The following TNFSF13 variants were observed in gnomAD, a reference collection of about 807,000 sequenced individuals.
TNFSF13 encodes the protein TNF superfamily member 13.
A neutral mutation model predicts 30.7 loss-of-function variants in TNFSF13; 18 were observed. That is an observed-to-expected ratio of 0.59 (90% CI 0.41 to 0.87). The LOEUF (loss-of-function observed/expected upper bound fraction) is 0.87, where lower values mean the gene tolerates loss of function less well. TNFSF13 is among the 40% of genes least tolerant of loss of function. The probability of loss-of-function intolerance (pLI) is 0.00; values close to 1 mark genes in which losing one functional copy is unlikely to be tolerated. For missense variants in TNFSF13, 286 were observed against 308.8 expected (o/e 0.93, Z 0.55); for synonymous variants, 116 against 123.2 (o/e 0.94, Z 0.39).
In TNFSF13 at chr17:7,559,618, G is replaced by A. The variant is rs1475165141; in HGVS notation, c.259-6G>A. 1 of 1,613,180 alleles carries A rather than the reference G, an allele frequency of 6.2e-7. No individual in the cohort carries two copies. Among genetic ancestry groups the A allele is most frequent in the East Asian group, 2.2e-5 (1 of 44,870 alleles). On this transcript the variant is annotated splice_region_variant and splice_polypyrimidine_tract_variant and intron_variant, in intron 1 of 5. Coordinates refer to ENST00000338784, the MANE Select transcript of TNFSF13 (RefSeq NM_003808.4). This position sits in a 1 kb window ranked among gnomAD's most constrained non-coding sequence, Gnocchi z 5.4. ...AACCTAACCTTGACCCTCTTTCCATGAGCAGAGTTCCGATGCCCTGGAAGC... is the reference window on the plus strand; with the variant it reads ...AACCTAACCTTGACCCTCTTTCCATAAGCAGAGTTCCGATGCCCTGGAAGC...
Position 7,559,948 on chromosome 17 carries a change from G to C in TNFSF13, c.385+55G>C. 6.2e-7 allele frequency: 1 copy of C among 1,613,956 alleles called. No individual in the cohort carries two copies. Among genetic ancestry groups the C allele is most frequent in the Non-Finnish European group, 8.5e-7 (1 of 1,180,002 alleles). On this transcript the variant is annotated intron_variant, in intron 3 of 5. Coordinates refer to ENST00000338784, the MANE Select transcript of TNFSF13 (RefSeq NM_003808.4). The surrounding 1 kb of genome is among the most constrained non-coding windows in gnomAD (Gnocchi z 5.4). ...GGAGGGGCAATAACCAGGAACTCGG[G>C]CTGGCACTTGGGCTCAAGGGGTCCT...
At chr17:7,560,020 A>G in intron 3 of TNFSF13, 29 bp from the exon 4 acceptor site, 1 of 1,614,134 alleles carries the variant, frequency 6.2e-7, no homozygotes, top group Non-Finnish European at 8.5e-7. Flanking sequence ...AGTGCCAAGA[A>G]GTCCTGACCG....
intron 5 of TNFSF13, 22 bp downstream of exon 5, chr17:7,560,510 G>A (rs749010031): frequency 2.5e-6 from 4 of 1,613,856 alleles, no homozygotes; most frequent in East Asian, 2.2e-5. Context: ...GTGGGCAGCC[G>A]AAAGCAGGAC....
At position 7,561,122 on chromosome 17, in the gene TNFSF13, G is replaced by C; in HGVS notation, c.*289G>C. ...CAGACCTGGTCGGGGCCCACTGGAAGCATCCAGAACAGCACCACCATCTAG... is the reference window on the plus strand; with the variant it reads ...CAGACCTGGTCGGGGCCCACTGGAACCATCCAGAACAGCACCACCATCTAG... On this transcript the variant is annotated 3_prime_UTR_variant, in exon 6 of 6. Coordinates refer to ENST00000338784, the MANE Select transcript of TNFSF13 (RefSeq NM_003808.4). The surrounding 1 kb of genome is among the most constrained non-coding windows in gnomAD (Gnocchi z 4.4). 1 of 1,534,168 alleles carries C rather than the reference G, an allele frequency of 6.5e-7. No individual in the cohort carries two copies. The highest frequency in any genetic ancestry group is 9.0e-7 in the Non-Finnish European group (1 of 1,117,122).
rs755773619 is a variant in TNFSF13, at chr17:7,559,911, T to G, written c.385+18T>G. 6.2e-7 allele frequency: 1 copy of G among 1,614,008 alleles called. No homozygotes were observed. Among genetic ancestry groups the G allele is most frequent in the East Asian group, 2.2e-5 (1 of 44,874 alleles). On this transcript the variant is annotated intron_variant, in intron 3 of 5. Coordinates refer to ENST00000338784, the MANE Select transcript of TNFSF13 (RefSeq NM_003808.4). The surrounding 1 kb of genome is among the most constrained non-coding windows in gnomAD (Gnocchi z 5.4). ...CTCCAAGGGTGAGCACTATTTTAAA[T>G]AATGGCTTTGGGGAGGGGCAATAAC... is the stretch of plus-strand genomic sequence containing the variant.
chr17:7,560,398 G>T lies in TNFSF13; in HGVS notation c.553G>T (p.Glu185Ter). ...CACCATGGGTCAGGTGGTGTCTCGA[G>T]AAGGCCAAGGAAGGCAGGAGACTCT... ...TFTMGQVVSR[E>*]GQGRQETLFR... The change falls in exon 5 of 6, where the codon GAA (glutamate) becomes TAA (stop). Residue 185 changes from glutamate (E) to a stop codon, truncating the protein, a stop_gained. Transcript: ENST00000338784. LOFTEE classifies it high-confidence loss of function. The T allele has an allele frequency of 1.2e-6, 2 of 1,614,208 alleles. No individual in the cohort carries two copies. Among genetic ancestry groups the T allele is most frequent in the Non-Finnish European group, 1.7e-6 (2 of 1,180,032 alleles).
chr17:7,559,305 A>AG lies in TNFSF13; in HGVS notation c.258+12dup. Reference sequence around the variant, plus strand: ...CAGAGTCTCCCGGAGCAGGTGAGTGAGGGGAGGAGGGTGTCTGGGAGAGGA... The same window carrying AG: ...CAGAGTCTCCCGGAGCAGGTGAGTGAGGGGGAGGAGGGTGTCTGGGAGAGGA... On this transcript the variant is annotated intron_variant, in intron 1 of 5. Coordinates refer to ENST00000338784, the MANE Select transcript of TNFSF13 (RefSeq NM_003808.4). This position sits in a 1 kb window ranked among gnomAD's most constrained non-coding sequence, Gnocchi z 5.4. 1 of 1,589,070 alleles carries AG rather than the reference A, an allele frequency of 6.3e-7. No individual in the cohort carries two copies. The highest frequency in any genetic ancestry group is 8.6e-7 in the Non-Finnish European group (1 of 1,165,622).
rs754702485 is a variant in TNFSF13, at chr17:7,559,786, C to T, written c.338-60C>T. On this transcript the variant is annotated intron_variant, in intron 2 of 5. Transcript: ENST00000338784. The surrounding 1 kb of genome is among the most constrained non-coding windows in gnomAD (Gnocchi z 5.4). ...GCCCGAGTCAGGGTGAGGGTGGAGG[C>T]TGCCAACAGCACAACGGGGGAAAGT... The T allele has an allele frequency of 3.7e-6, 6 of 1,614,064 alleles. No homozygotes were observed. The Admixed American group carries it at 1.0e-4, about 27-fold the overall frequency.
chr17:7,560,800 A>G lies in TNFSF13; in HGVS notation c.720A>G (p.Pro240=). Residue 240 remains proline (P), a synonymous_variant, in exon 6 of 6, where the codon CCA becomes CCG. Transcript: ENST00000338784. The part of the protein sequence containing the change: ...PRARAKLNLS[P]HGTFLGFVKL ...CAAGGGCGAAACTTAACCTCTCTCC[A>G]CATGGAACCTTCCTGGGGTTTGTGA... 6.2e-7 allele frequency: 1 copy of G among 1,614,180 alleles called. No homozygotes were observed. The highest frequency in any genetic ancestry group is 8.5e-7 in the Non-Finnish European group (1 of 1,180,008).
In TNFSF13 at chr17:7,560,832, G is replaced by C; in HGVS notation, c.752G>C (p.Ter251SerextTer55). Residue 251 changes from the stop codon to serine, a stop_lost, in exon 6 of 6, where the codon TGA (stop) becomes TCA (serine). Coordinates refer to ENST00000338784, the MANE Select transcript of TNFSF13 (RefSeq NM_003808.4). ...ACCTTCCTGGGGTTTGTGAAACTGTGATTGTGTTATAAAAAGTGGCTCCCA... is the reference window on the plus strand; with the variant it reads ...ACCTTCCTGGGGTTTGTGAAACTGTCATTGTGTTATAAAAAGTGGCTCCCA... ...HGTFLGFVKL[*>S] The C allele has an allele frequency of 6.2e-7, 1 of 1,613,910 alleles. No homozygotes were observed. Among genetic ancestry groups the C allele is most frequent in the Non-Finnish European group, 8.5e-7 (1 of 1,179,868 alleles).
chr17:7,558,893 C>T lies in TNFSF13; in HGVS notation c.-147C>T. 3 of 1,017,886 alleles carry T rather than the reference C, an allele frequency of 2.9e-6. No homozygotes were observed. The highest frequency in any genetic ancestry group is 4.1e-6 in the Non-Finnish European group (3 of 738,870). The allele number at this position is 1,017,886 out of a possible 1,614,324, so 63.1% of individuals were successfully genotyped here. On this transcript the variant is annotated 5_prime_UTR_variant, in exon 1 of 6. Transcript: ENST00000338784. This position sits in a 1 kb window ranked among gnomAD's most constrained non-coding sequence, Gnocchi z 4.3. ...GTACCCTTAGCTTGCTTTCCTCCTC[C>T]CTCCTTTTTATTTTCAAGTTCCTTT...
In TNFSF13 at chr17:7,558,948, C is replaced by A; in HGVS notation, c.-92C>A. On this transcript the variant is annotated 5_prime_UTR_variant, in exon 1 of 6. Transcript: ENST00000338784. The surrounding 1 kb of genome is among the most constrained non-coding windows in gnomAD (Gnocchi z 4.3). ...TTCTCCTTGCGTAACAACCTTCTTC[C>A]CTTCTGCACCACTGCCCGTACCCTT... is the stretch of plus-strand genomic sequence containing the variant. 1 of 1,329,298 alleles carries A rather than the reference C, an allele frequency of 7.5e-7. No individual in the cohort carries two copies. The highest frequency in any genetic ancestry group is 9.9e-7 in the Non-Finnish European group (1 of 1,012,338). The allele number at this position is 1,329,298 out of a possible 1,614,324, so 82.3% of individuals were successfully genotyped here. A position where few individuals can be genotyped will look rare whatever the true frequency, so the allele number is the denominator to read the frequency against.
chr17:7,558,966 G>C lies in TNFSF13; in HGVS notation c.-74G>C. The C allele has an allele frequency of 6.8e-7, 1 of 1,462,534 alleles. No homozygotes were observed. The highest frequency in any genetic ancestry group is 9.1e-7 in the Non-Finnish European group (1 of 1,100,690). 90.6% of individuals were successfully genotyped at this position (1,462,534 alleles called of 1,614,324 possible). On this transcript the variant is annotated 5_prime_UTR_variant, in exon 1 of 6. Coordinates refer to ENST00000338784, the MANE Select transcript of TNFSF13 (RefSeq NM_003808.4). The surrounding 1 kb of genome is among the most constrained non-coding windows in gnomAD (Gnocchi z 4.3). ...CTTCTTCCCTTCTGCACCACTGCCC[G>C]TACCCTTACCCGCCCCGCCACCTCC...
Position 7,559,103 on chromosome 17 carries a change from G to A in TNFSF13, c.64G>A (p.Val22Ile), listed in dbSNP as rs138476542. Residue 22 changes from valine to isoleucine, a missense_variant, in exon 1 of 6, where the codon GTC becomes ATC. Val to Ile is a conservative substitution (Grantham distance 29, BLOSUM62 3). Coordinates refer to ENST00000338784, the MANE Select transcript of TNFSF13 (RefSeq NM_003808.4). This position sits in a 1 kb window ranked among gnomAD's most constrained non-coding sequence, Gnocchi z 5.4. ...KGPPGNMGGP[V>I]REPALSVALW... is the part of the protein sequence containing the mutation. ...GCCTCCAGGCAACATGGGGGGCCCAGTCAGAGAGCCGGCACTCTCAGTTGC... is the reference window on the plus strand; with the variant it reads ...GCCTCCAGGCAACATGGGGGGCCCAATCAGAGAGCCGGCACTCTCAGTTGC... 5 of 1,601,484 alleles carry A rather than the reference G, an allele frequency of 3.1e-6. No individual in the cohort carries two copies. The African/African-American group carries it at 6.7e-5, about 21-fold the overall frequency.
rs2071194485 is a variant in TNFSF13, at chr17:7,561,064, A to G, written c.*231A>G. On this transcript the variant is annotated 3_prime_UTR_variant, in exon 6 of 6. Transcript: ENST00000338784. This position sits in a 1 kb window ranked among gnomAD's most constrained non-coding sequence, Gnocchi z 4.4. The stretch of plus-strand genomic sequence containing the variant: ...GCTCCGAATTCTTGCGTGTGTGTAG[A>G]TGAGGGGCGGGGGACGGGCGCCAGG... The G allele has an allele frequency of 2.5e-6, 4 of 1,612,824 alleles. No homozygotes were observed. Among genetic ancestry groups the G allele is most frequent in the Non-Finnish European group, 2.5e-6 (3 of 1,179,116 alleles).
rs937111486 is a variant in TNFSF13 at position 7,561,570 on chromosome 17, G to C, written c.*737G>C. The C allele has an allele frequency of 6.3e-5, 10 of 158,976 alleles. No homozygotes were observed. The highest frequency in any genetic ancestry group is 1.1e-4 in the Non-Finnish European group (8 of 71,784). 9.8% of individuals were successfully genotyped at this position (158,976 alleles called of 1,614,324 possible). On this transcript the variant is annotated 3_prime_UTR_variant, in exon 6 of 6. Transcript: ENST00000338784. The surrounding 1 kb of genome is among the most constrained non-coding windows in gnomAD (Gnocchi z 4.4). ...GAGCTCTTCTTTCTGATCAAGCCCT[G>C]CTTAAAGTTAAATAAAATAGAATGA...
chr17:7,561,264 C>A lies in TNFSF13; in HGVS notation c.*431C>A. 1.7e-6 allele frequency: 1 copy of A among 580,396 alleles called. No individual in the cohort carries two copies. Among genetic ancestry groups the A allele is most frequent in the Non-Finnish European group, 3.1e-6 (1 of 325,084 alleles). The allele number at this position is 580,396 out of a possible 1,614,324, so 36.0% of individuals were successfully genotyped here. ...TCTCCAGGTGCCCTCTGCCTCTTCA[C>A]CCCACAAGAAGCCTTATCCTACGTC... On this transcript the variant is annotated 3_prime_UTR_variant, in exon 6 of 6. Coordinates refer to ENST00000338784, the MANE Select transcript of TNFSF13 (RefSeq NM_003808.4). The surrounding 1 kb of genome is among the most constrained non-coding windows in gnomAD (Gnocchi z 4.4).
rs1354412864 is a variant in TNFSF13, at chr17:7,560,731, C to T, written c.651C>T (p.Phe217=). The T allele has an allele frequency of 1.2e-6, 2 of 1,614,178 alleles. No individual in the cohort carries two copies. Among genetic ancestry groups the T allele is most frequent in the East Asian group, 4.5e-5 (2 of 44,882 alleles). Reference sequence around the variant, plus strand: ...CTTTCTCTCTTTTCTCAGGTGTCTTCCATTTACACCAAGGGGATATTCTGA... The same window carrying T: ...CTTTCTCTCTTTTCTCAGGTGTCTTTCATTTACACCAAGGGGATATTCTGA... ...AYNSCYSAGV[F]HLHQGDILSV... The change falls in exon 6 of 6, where the codon TTC becomes TTT. Residue 217 remains phenylalanine (F), a synonymous_variant. Coordinates refer to ENST00000338784, the MANE Select transcript of TNFSF13 (RefSeq NM_003808.4).
rs1233122514 is a variant in TNFSF13 at position 7,558,786 on chromosome 17, AC to A, written c.-252del. ...CCCTGTCCTTCCTAGAGGGACTGGA[AC>A]CTAATTCTCCTGAGGCTGAGGGAGG... On this transcript the variant is annotated 5_prime_UTR_variant, in exon 1 of 6. Coordinates refer to ENST00000338784, the MANE Select transcript of TNFSF13 (RefSeq NM_003808.4). The surrounding 1 kb of genome is among the most constrained non-coding windows in gnomAD (Gnocchi z 4.3). 1 of 332,080 alleles carries A rather than the reference AC, an allele frequency of 3.0e-6. No homozygotes were observed. Among genetic ancestry groups the A allele is most frequent in the African/African-American group, 2.1e-5 (1 of 46,800 alleles). The allele number at this position is 332,080 out of a possible 1,614,324, so 20.6% of individuals were successfully genotyped here. A position where few individuals can be genotyped will look rare whatever the true frequency, so the allele number is the denominator to read the frequency against.
Sources: gnomAD v4.1 joint callset for allele counts on GRCh38, gnomAD v4.1.1 for gene constraint, Gnocchi (gnomAD v3.1) non-coding constraint, MANE v1.5 for transcripts, NCBI Gene and HGNC (gene_info 2026-07-23, HGNC 2026-07-21) for gene names.